The following HNRNPM variants were observed in gnomAD, a reference collection of about 807,000 sequenced individuals.
The protein encoded by HNRNPM is heterogeneous nuclear ribonucleoprotein M, also known as CEA receptor.
A neutral mutation model predicts 73.1 loss-of-function variants in HNRNPM; 11 were observed. The ratio of observed to expected loss-of-function variants is 0.15; its 90% CI spans 0.09 to 0.25. HNRNPM has a LOEUF of 0.25. Among genes scored for constraint, HNRNPM ranks in the 10% least tolerant of loss-of-function variants. The probability of loss-of-function intolerance (pLI) is 1.00; values close to 1 mark genes in which losing one functional copy is unlikely to be tolerated. For synonymous variants in HNRNPM, 407 were observed against 355.2 expected, an observed-to-expected ratio of 1.15 and a Z score of -1.64; for missense variants, 789 against 1,067.9, an observed-to-expected ratio of 0.74 and a Z score of 3.64.
In HNRNPM at chr19:8,484,774, G is replaced by A. The variant is rs553509943; in HGVS notation, c.1175-829G>A. 1.5e-3 allele frequency among the ~76,000 whole-genome samples: 222 copies of A among 152,290 alleles called. 1 individual carries two copies. Among genetic ancestry groups the A allele is most frequent in the Middle Eastern group, 0.01 (3 of 294 alleles). On this transcript the variant is annotated intron_variant, in intron 13 of 15. Coordinates refer to ENST00000325495, the MANE Select transcript of HNRNPM (RefSeq NM_005968.5). ...TCTCAGAGGCAAGCGACAGGGTTTCGGGGAGGAGCCCCAAACTCGGCATGT... is the reference window on the plus strand; with the variant it reads ...TCTCAGAGGCAAGCGACAGGGTTTCAGGGAGGAGCCCCAAACTCGGCATGT...
intron 12 of HNRNPM, among the ~76,000 whole-genome samples, chr19:8,474,808 A>G (rs1276602832): frequency 6.7e-6 from 1 of 149,424 alleles, no homozygotes; most frequent in Non-Finnish European, 1.5e-5. Flanking sequence ...TCCGCCTCCC[A>G]GGTTCAAGTG....
At chr19:8,451,159 G>A (rs997178966) in intron 1 of HNRNPM, among the ~76,000 whole-genome samples, 2 of 151,780 alleles carry the variant, frequency 1.3e-5, no homozygotes, top group Admixed American at 6.6e-5. Context: ...CACCTGCCTC[G>A]GCCTCCCAAA....
intron 1 of HNRNPM, among the ~76,000 whole-genome samples, chr19:8,446,916 C>T (rs1403579177): frequency 6.6e-6 from 1 of 152,162 alleles, no homozygotes; most frequent in East Asian, 1.9e-4. Context: ...ACTTTTTCAG[C>T]GTCTATCTAC....
chr19:8,486,171 G>GGAGCGCATGGGTGCCAACAGCCTC lies in HNRNPM; in HGVS notation c.1755_1778dup (p.Ala586_Gly593dup). ...CCAACAGCCTCGAGCGCATGGGCCT[G>GGAGCGCATGGGTGCCAACAGCCTC]GAGCGCATGGGTGCCAACAGCCTCG... On this transcript the variant is annotated inframe_insertion, in exon 14 of 16. Transcript: ENST00000325495. 3 of 1,606,048 alleles carry GGAGCGCATGGGTGCCAACAGCCTC rather than the reference G, an allele frequency of 1.9e-6. No individual in the cohort carries two copies. The highest frequency in any genetic ancestry group is 2.5e-6 in the Non-Finnish European group (3 of 1,179,356).
At chr19:8,450,830 C>T (rs957182765) in intron 1 of HNRNPM, among the ~76,000 whole-genome samples, 16 of 149,004 alleles carry the variant, frequency 1.1e-4, no homozygotes, top group African/African-American at 4.0e-4. Flanking sequence ...TCAAGTGATT[C>T]TCCTGCCTCA....
At chr19:8,472,816 A>C (rs1007811737) in intron 10 of HNRNPM, among the ~76,000 whole-genome samples, 18 of 152,190 alleles carry the variant, frequency 1.2e-4, no homozygotes, top group African/African-American at 4.3e-4. Context: ...TCCTGACCTC[A>C]GGTGATCCAC....
At position 8,486,040 on chromosome 19, in the gene HNRNPM, G is replaced by A. The variant is rs777403728; in HGVS notation, c.1612G>A (p.Gly538Arg). Reference sequence around the variant, plus strand: ...GGAGCGCATGGTGCCCGCAGGTATGGGAGCTGGCCTGGAGCGCATGGGCCC... The same window carrying A: ...GGAGCGCATGGTGCCCGCAGGTATGAGAGCTGGCCTGGAGCGCATGGGCCC... ...SMERMVPAGM[G>R]AGLERMGPVM... The change falls in exon 14 of 16, where the codon GGA becomes AGA. Residue 538 changes from glycine to arginine, a missense_variant. Coordinates refer to ENST00000325495, the MANE Select transcript of HNRNPM (RefSeq NM_005968.5). 1.9e-6 allele frequency: 3 copies of A among 1,606,818 alleles called. No individual in the cohort carries two copies. The highest frequency in any genetic ancestry group is 2.5e-6 in the Non-Finnish European group (3 of 1,179,586).
Position 8,468,814 on chromosome 19 carries a change from A to C in HNRNPM, c.875A>C (p.Glu292Ala). The C allele has an allele frequency of 6.2e-7, 1 of 1,613,768 alleles. No individual in the cohort carries two copies. The highest frequency in any genetic ancestry group is 8.5e-7 in the Non-Finnish European group (1 of 1,179,686). Reference sequence around the variant, plus strand: ...CCAAAAGGAGATTTCTTCCCTCCTGAGCGTCCACAACAACTTCCCCGTAAG... The same window carrying C: ...CCAAAAGGAGATTTCTTCCCTCCTGCGCGTCCACAACAACTTCCCCGTAAG... ...ALPKGDFFPP[E>A]RPQQLPHGLG... Residue 292 changes from glutamate (E) to alanine (A), a missense_variant, in exon 9 of 16, where the codon GAG (glutamate) becomes GCG (alanine). Transcript: ENST00000325495.
At chr19:8,458,354 A>G (rs559338013) in intron 2 of HNRNPM, among the ~76,000 whole-genome samples, 32 of 152,364 alleles carry the variant, frequency 2.1e-4, no homozygotes, top group Non-Finnish European at 3.5e-4. Flanking sequence ...GTAAAGGGAT[A>G]CACATCTTAA....
chr19:8,468,799 A>G lies in HNRNPM; in HGVS notation c.860A>G (p.Asp287Gly). The change falls in exon 9 of 16, where the codon GAT becomes GGT. Residue 287 changes from aspartate (D) to glycine (G), a missense_variant. Physicochemically the swap from Asp to Gly is moderately conservative, Grantham distance 94. Around this residue, in one of 4 missense-constraint regions of HNRNPM, gnomAD observed 604 missense variants for 744.0 expected, o/e 0.81. Coordinates refer to ENST00000325495, the MANE Select transcript of HNRNPM (RefSeq NM_005968.5). Reference protein sequence around the residue: ...KMDERALPKGDFFPPERPQQL... With the variant: ...KMDERALPKGGFFPPERPQQL... ...GATGAGAGGGCCTTACCAAAAGGAG[A>G]TTTCTTCCCTCCTGAGCGTCCACAA... is the stretch of plus-strand genomic sequence containing the variant. 4 of 1,613,766 alleles carry G rather than the reference A, an allele frequency of 2.5e-6. No homozygotes were observed. Among genetic ancestry groups the G allele is most frequent in the Non-Finnish European group, 1.7e-6 (2 of 1,179,736 alleles).
chr19:8,486,027 G>T lies in HNRNPM; in HGVS notation c.1599G>T (p.Val533=), dbSNP rs145478277. Reference sequence around the variant, plus strand: ...TGGGCCTGAGCATGGAGCGCATGGTGCCCGCAGGTATGGGAGCTGGCCTGG... The same window carrying T: ...TGGGCCTGAGCATGGAGCGCATGGTTCCCGCAGGTATGGGAGCTGGCCTGG... ...ERMGLSMERM[V]PAGMGAGLER... The change falls in exon 14 of 16, where the codon GTG becomes GTT. Residue 533 remains valine, a synonymous_variant. Transcript: ENST00000325495. The T allele has an allele frequency of 1.2e-6, 2 of 1,605,842 alleles. No individual in the cohort carries two copies. The highest frequency in any genetic ancestry group is 2.2e-5 in the East Asian group (1 of 44,766).
chr19:8,479,176 C>T (rs1970733181), intron 12 of HNRNPM, among the ~76,000 whole-genome samples: 1 of 149,388 alleles, frequency 6.7e-6, no homozygotes, highest in African/African-American at 2.5e-5. Flanking sequence ...GCCTCCACCT[C>T]CCGGTTTCAA....
chr19:8,445,167 G>A (rs536920553), intron 1 of HNRNPM, 56 bp downstream of exon 1: 3 of 1,318,240 alleles, frequency 2.3e-6, no homozygotes, highest in Middle Eastern at 4.2e-4. Flanking sequence ...CGGCCGACGC[G>A]GGCGGCGGCT....
intron 7 of HNRNPM, among the ~76,000 whole-genome samples, chr19:8,467,295 T>C (rs1253854309): frequency 6.6e-6 from 1 of 152,210 alleles, no homozygotes; most frequent in African/African-American, 2.4e-5. Context: ...TTGGTGAAAT[T>C]GTAAGGTTAC....
intron 7 of HNRNPM, among the ~76,000 whole-genome samples, chr19:8,466,971 A>G (rs1223779472): frequency 6.6e-6 from 1 of 151,900 alleles, no homozygotes; most frequent in Admixed American, 6.6e-5. Context: ...GGTTTGAAGG[A>G]GGAAGTCCAA....
chr19:8,449,493 T>C (rs1158257793), intron 1 of HNRNPM, among the ~76,000 whole-genome samples: 1 of 152,202 alleles, frequency 6.6e-6, no homozygotes, highest in Non-Finnish European at 1.5e-5. Flanking sequence ...AATAAAATTA[T>C]TGGTAGAAAA....
intron 15 of HNRNPM, chr19:8,488,411 T>A: frequency 3.0e-6 from 1 of 337,312 alleles, no homozygotes; most frequent in South Asian, 6.7e-5. Context: ...ATGGGAACTT[T>A]CTGCCTATAA....
At chr19:8,473,481 A>AT in intron 10 of HNRNPM, among the ~76,000 whole-genome samples, 183 bp from the exon 11 acceptor site, 1 of 151,808 alleles carries the variant, frequency 6.6e-6, no homozygotes, top group East Asian at 1.9e-4. Flanking sequence ...AAATAGCTAT[A>AT]TGATATTTGA....
intron 10 of HNRNPM, 59 bp downstream of exon 10, chr19:8,471,486 G>A (rs543378897): frequency 9.9e-7 from 1 of 1,014,602 alleles, no homozygotes; most frequent in African/African-American, 1.6e-5. Context: ...ATTAATTATT[G>A]GGACAACTGG....
Sources: gnomAD v4.1 joint callset for allele counts (sites outside exome capture counted in the v4.1 genomes callset) on GRCh38, gnomAD v4.1.1 for gene constraint, gnomAD v4.1.1 regional missense constraint, MANE v1.5 for transcripts, NCBI Gene and HGNC (gene_info 2026-07-23, HGNC 2026-07-21) for gene names.